NUBPL: variants seen among roughly 807,000 people sequenced by gnomAD.
NUBPL encodes NUBP iron-sulfur cluster assembly factor, mitochondrial, also known as iron-sulfur cluster transfer protein NUBPL.
NUBPL carries 31 observed loss-of-function variants against 45.7 expected under a neutral mutation model. The observed-to-expected ratio is 0.68, with a 90% CI of 0.51 to 0.92. The LOEUF is 0.92. NUBPL is among the 40% of genes least tolerant of loss of function. The pLI is 0.00. For synonymous variants in NUBPL, 144 were observed against 140.9 expected, an observed-to-expected ratio of 1.02 and a Z score of -0.15; for missense variants, 401 against 398.7, an observed-to-expected ratio of 1.01 and a Z score of -0.05.
chr14:31,672,785 T>G (rs919002048), intron 4 of NUBPL, among the ~76,000 whole-genome samples: 46 of 152,254 alleles, frequency 3.0e-4, no homozygotes, highest in Non-Finnish European at 4.1e-4. Context: ...GAAGTATTTC[T>G]TAATACAATT....
At chr14:31,578,355 C>T (rs532867622) in intron 3 of NUBPL, among the ~76,000 whole-genome samples, 102 of 152,178 alleles carry the variant, frequency 6.7e-4, no homozygotes, top group African/African-American at 1.4e-3. Context: ...GTTTTGTTTT[C>T]GGTTGTGGCA....
chr14:31,642,859 T>C (rs1286973359), intron 4 of NUBPL, among the ~76,000 whole-genome samples: 3 of 152,180 alleles, frequency 2.0e-5, no homozygotes, highest in Non-Finnish European at 4.4e-5. Flanking sequence ...TTTCCTTGAA[T>C]AGATGTTTTA....
chr14:31,666,900 A>G (rs903598893), intron 4 of NUBPL, among the ~76,000 whole-genome samples: 4 of 152,110 alleles, frequency 2.6e-5, no homozygotes, highest in African/African-American at 9.7e-5. Context: ...TCTGGCTTGT[A>G]GGGTTTCTGT....
intron 7 of NUBPL, among the ~76,000 whole-genome samples, chr14:31,799,145 T>C (rs1275529627): frequency 1.3e-5 from 2 of 152,162 alleles, no homozygotes; most frequent in Admixed American, 6.5e-5. Context: ...TTGGAAAATA[T>C]GTAGAGGCAG....
At chr14:31,692,769 C>G (rs1408364805) in intron 6 of NUBPL, among the ~76,000 whole-genome samples, 3 of 152,210 alleles carry the variant, frequency 2.0e-5, no homozygotes, top group Non-Finnish European at 4.4e-5. Context: ...CTGAGTTGCG[C>G]TAAGCTCTGC....
intron 6 of NUBPL, among the ~76,000 whole-genome samples, chr14:31,708,632 G>A (rs901581717): frequency 1.3e-5 from 2 of 152,202 alleles, no homozygotes; most frequent in African/African-American, 2.4e-5. Context: ...GGACCTTGAG[G>A]ACAGTCGTCC....
intron 6 of NUBPL, among the ~76,000 whole-genome samples, chr14:31,782,556 C>T (rs966687478): frequency 6.6e-6 from 1 of 152,062 alleles, no homozygotes; most frequent in Non-Finnish European, 1.5e-5. Flanking sequence ...TTTGGGAGGC[C>T]AAGGTAGGCA....
At chr14:31,688,404 C>G (rs1030768467) in intron 6 of NUBPL, among the ~76,000 whole-genome samples, 7 of 151,758 alleles carry the variant, frequency 4.6e-5, no homozygotes, top group Admixed American at 4.6e-4. Context: ...AGCAAAACCC[C>G]GTCTCTACTA....
intron 4 of NUBPL, among the ~76,000 whole-genome samples, chr14:31,660,465 A>T (rs1431750275): frequency 6.6e-6 from 1 of 152,138 alleles, no homozygotes; most frequent in Non-Finnish European, 1.5e-5. Flanking sequence ...TGAAATTGTA[A>T]AATTTGTACT....
Position 31,850,182 on chromosome 14 carries a change from CA to C in NUBPL, c.879del (p.Gln294SerfsTer11). On this transcript the variant is annotated frameshift_variant, in exon 10 of 11. Coordinates refer to ENST00000281081, the MANE Select transcript of NUBPL (RefSeq NM_025152.3). LOFTEE classifies it high-confidence loss of function. ...ASDTGQPIVF[S>X]QPESDEAKAY... ...GATACAGGCCAGCCAATTGTGTTTT[CA>C]CAGCCTGAAAGTGATGAGGTAAGTT... is the stretch of plus-strand genomic sequence containing the variant. The C allele has an allele frequency of 6.2e-7, 1 of 1,613,722 alleles. No individual in the cohort carries two copies. Among genetic ancestry groups the C allele is most frequent in the Non-Finnish European group, 8.5e-7 (1 of 1,179,710 alleles).
At chr14:31,826,552 T>C (rs1198841513) in intron 7 of NUBPL, 77 bp from the exon 8 acceptor site, 1 of 1,259,076 alleles carries the variant, frequency 7.9e-7, no homozygotes, top group African/African-American at 1.5e-5. Flanking sequence ...TATTTGCGTA[T>C]GTAAGCAACA....
chr14:31,760,126 A>AGTGTGTGTGTGTGTGTGTGTGTGTGTGT (rs147699444), intron 6 of NUBPL, among the ~76,000 whole-genome samples: 4 of 29,814 alleles, frequency 1.3e-4, no homozygotes, highest in Admixed American at 4.4e-4. Context: ...TTCTGACTTT[A>AGTGTGTGTGTGTGTGTGTGTGTGTGTGT]GTGTGTGTGT....
chr14:31,672,273 A>ATGTGTGTGTG (rs3035682), intron 4 of NUBPL, among the ~76,000 whole-genome samples: 192 of 148,212 alleles, frequency 1.3e-3, no homozygotes, highest in African/African-American at 3.6e-3. Context: ...CTGATTAGAT[A>ATGTGTGTGTG]TGTGTGTGTG....
intron 6 of NUBPL, among the ~76,000 whole-genome samples, chr14:31,726,856 T>C (rs536536408): frequency 6.6e-6 from 1 of 151,392 alleles, no homozygotes; most frequent in South Asian, 2.1e-4. Context: ...GCACTATCAA[T>C]GTTTTGAGCT....
intron 4 of NUBPL, among the ~76,000 whole-genome samples, chr14:31,647,659 A>G (rs1317008935): frequency 6.6e-6 from 1 of 152,132 alleles, no homozygotes; most frequent in Non-Finnish European, 1.5e-5. Context: ...AGGGCTAGGG[A>G]TGGTGGTCCC....
At chr14:31,734,797 C>G (rs12436187) in intron 6 of NUBPL, among the ~76,000 whole-genome samples, 70,113 of 151,952 alleles carry the variant, frequency 0.46, 17,433 homozygotes, top group African/African-American at 0.66. Flanking sequence ...AGATAAGGTT[C>G]CAGTAATGGG....
chr14:31,817,070 A>G (rs1191580847), intron 7 of NUBPL, among the ~76,000 whole-genome samples: 1 of 152,014 alleles, frequency 6.6e-6, no homozygotes, highest in Non-Finnish European at 1.5e-5. Context: ...CAAGCAGAAG[A>G]AAGAATATCA....
At chr14:31,607,152 G>A (rs943843849) in intron 4 of NUBPL, among the ~76,000 whole-genome samples, 1 of 152,022 alleles carries the variant, frequency 6.6e-6, no homozygotes, top group African/African-American at 2.4e-5. Flanking sequence ...AGGCCGAGGC[G>A]GGCAGATTGC....
intron 4 of NUBPL, among the ~76,000 whole-genome samples, chr14:31,645,211 G>T: frequency 6.6e-6 from 1 of 151,834 alleles, no homozygotes; most frequent in East Asian, 1.9e-4. Flanking sequence ...GACTACAGGC[G>T]CCCGCCACCA....
Sources: allele counts gnomAD v4.1 joint callset (sites outside exome capture counted in the v4.1 genomes callset), GRCh38; gene constraint gnomAD v4.1.1; transcripts MANE v1.5; gene names NCBI Gene and HGNC (gene_info 2026-07-23, HGNC 2026-07-21).